The following PASK variants were observed in gnomAD, a reference collection of about 807,000 sequenced individuals.
PASK encodes PAS domain containing serine/threonine kinase.
Under a neutral mutation model 121.0 loss-of-function variants are expected in PASK, and 110 were observed. The observed-to-expected ratio is 0.91, with a 90% CI of 0.78 to 1.06. The LOEUF (loss-of-function observed/expected upper bound fraction) is 1.06, where lower values mean the gene tolerates loss of function less well. Among genes scored for constraint, PASK ranks in the 50% least tolerant of loss-of-function variants. PASK has a pLI of 0.00. For missense variants in PASK, 1,643 were observed against 1,702.3 expected (o/e 0.97, Z 0.61); for synonymous variants, 686 against 717.8 (o/e 0.96, Z 0.71).
At chr2:241,114,605 A>G (rs570418293) in intron 14 of PASK, 13 of 1,060,140 alleles carry the variant, frequency 1.2e-5, no homozygotes, top group African/African-American at 1.7e-5. Flanking sequence ...ACTTACTGAA[A>G]AGTGAGAATG....
intron 12 of PASK, among the ~76,000 whole-genome samples, chr2:241,116,764 G>A (rs1357550758): frequency 1.3e-5 from 2 of 152,238 alleles, no homozygotes; most frequent in African/African-American, 4.8e-5. Context: ...AACGCCTGCT[G>A]CTACGTGGGT....
In PASK at chr2:241,112,511, G is replaced by C; in HGVS notation, c.3334-72C>G. On this transcript the variant is annotated intron_variant, in intron 14 of 17. Coordinates refer to ENST00000234040, the MANE Select transcript of PASK (RefSeq NM_015148.4). This position sits in a 1 kb window ranked among gnomAD's most constrained non-coding sequence, Gnocchi z 5.2. ...TAAAATATGCATTTAAAATAAACTG[G>C]AACAAAAAAAAACACAAAGAAAAAA... is the stretch of plus-strand genomic sequence containing the variant. 1.1e-6 allele frequency: 1 copy of C among 912,834 alleles called. No homozygotes were observed. 56.5% of individuals were successfully genotyped at this position (912,834 alleles called of 1,614,324 possible). A position where few individuals can be genotyped will look rare whatever the true frequency, so the allele number is the denominator to read the frequency against.
At position 241,126,515 on chromosome 2, in the gene PASK, C is replaced by T; in HGVS notation, c.2400G>A (p.Leu800=). ...GGCCAAGGTCAACACAGGTGCCGGT[C>T]AGTAGTAACAGCTCCCTGTCATCCA... is the stretch of plus-strand genomic sequence containing the variant. The part of the protein sequence containing the change: ...CVLDDRELLL[L]TGTCVDLGQG... The change falls in exon 10 of 18, where the codon CTG becomes CTA. Residue 800 remains leucine, a synonymous_variant. Transcript: ENST00000234040. 1 of 1,614,246 alleles carries T rather than the reference C, an allele frequency of 6.2e-7. No individual in the cohort carries two copies. Among genetic ancestry groups the T allele is most frequent in the Non-Finnish European group, 8.5e-7 (1 of 1,180,042 alleles).
intron 12 of PASK, among the ~76,000 whole-genome samples, chr2:241,118,545 T>G (rs950051464): frequency 6.6e-6 from 1 of 151,698 alleles, no homozygotes; most frequent in Non-Finnish European, 1.5e-5. Flanking sequence ...ACTTCAAAAA[T>G]AGATCAAAGA....
chr2:241,132,093 G>C (rs995715713), intron 9 of PASK, among the ~76,000 whole-genome samples: 7 of 150,760 alleles, frequency 4.6e-5, no homozygotes, highest in African/African-American at 1.7e-4. Context: ...AAGAAAATGG[G>C]TTAAAAATAC....
At chr2:241,111,441 G>A (rs1559355480) in intron 15 of PASK, among the ~76,000 whole-genome samples, 1 of 152,236 alleles carries the variant, frequency 6.6e-6, no homozygotes, top group East Asian at 1.9e-4. Context: ...GTAGGTGTTA[G>A]TGGAAAACAC....
In PASK at chr2:241,112,883, C is replaced by A; in HGVS notation, c.3334-444G>T. On this transcript the variant is annotated intron_variant, in intron 14 of 17. Transcript: ENST00000234040. This position sits in a 1 kb window ranked among gnomAD's most constrained non-coding sequence, Gnocchi z 5.2. ...GAAAGCACCAAGTCGATAACCTCAG[C>A]TCACAGGGAGGGAAAGTGACTTGCC... 5.4e-6 allele frequency: 1 copy of A among 186,724 alleles called. No homozygotes were observed. The highest frequency in any genetic ancestry group is 1.1e-5 in the Non-Finnish European group (1 of 88,658). The allele number at this position is 186,724 out of a possible 1,614,324, so 11.6% of individuals were successfully genotyped here. A position where few individuals can be genotyped will look rare whatever the true frequency, so the allele number is the denominator to read the frequency against.
In PASK at chr2:241,126,919, G is replaced by C; in HGVS notation, c.1996C>G (p.Leu666Val). Residue 666 changes from leucine to valine, a missense_variant, in exon 10 of 18, where the codon CTG becomes GTG. Around this residue, in one of 3 missense-constraint regions of PASK, gnomAD observed 1,176 missense variants for 1,162.2 expected, o/e 1.01. Transcript: ENST00000234040. ...GCTCCTGCAAGGCTCAACTGGGACA[G>C]CTGCTCCTTAATCAAGCAGGTCTGC... Reference protein sequence around the residue: ...ELQTCLIKEQLSQLSLAGALD... With the variant: ...ELQTCLIKEQVSQLSLAGALD... The C allele has an allele frequency of 2.5e-6, 4 of 1,614,146 alleles. No homozygotes were observed. The highest frequency in any genetic ancestry group is 3.4e-6 in the Non-Finnish European group (4 of 1,179,998).
rs145530492 is a variant in PASK, at chr2:241,122,356, C to T, written c.3072+376G>A. Among the ~76,000 whole-genome samples the T allele has an allele frequency of 1.4e-4, 21 of 152,322 alleles. No homozygotes were observed. The East Asian group carries it at 4.0e-3, about 29-fold the overall frequency. ...TATTTGAAAAGATTAAGCATGTTTT[C>T]AGCATGCATGTGCAGTGCCCGTGAG... On this transcript the variant is annotated intron_variant, in intron 12 of 17. Transcript: ENST00000234040.
chr2:241,121,500 TTTAGA>T (rs574020922), intron 12 of PASK, among the ~76,000 whole-genome samples: 146 of 152,282 alleles, frequency 9.6e-4, no homozygotes, highest in African/African-American at 3.3e-3. Context: ...AACATCTAGA[TTTAGA>T]TTATAGATTT....
chr2:241,118,649 A>G (rs555806921), intron 12 of PASK: 58 of 173,644 alleles, frequency 3.3e-4, no homozygotes, highest in African/African-American at 1.3e-3. Flanking sequence ...CCTAGATATA[A>G]CACCAAAACA....
At chr2:241,144,593 TC>T (rs762996563) in intron 1 of PASK, among the ~76,000 whole-genome samples, 32 of 152,314 alleles carry the variant, frequency 2.1e-4, no homozygotes, top group Non-Finnish European at 4.0e-4. Context: ...CAGGCCTCTT[TC>T]CACCCAGGTC....
intron 2 of PASK, among the ~76,000 whole-genome samples, chr2:241,142,007 C>T (rs564548456): frequency 1.3e-5 from 2 of 152,350 alleles, no homozygotes; most frequent in African/African-American, 4.8e-5. Context: ...CCTGTCAACA[C>T]TCACTGAGAA....
rs781010431 is a variant in PASK at position 241,123,969 on chromosome 2, T to A, written c.2884A>T (p.Thr962Ser). 7.4e-6 allele frequency: 12 copies of A among 1,613,496 alleles called. No homozygotes were observed. In the Admixed American group the frequency reaches 8.3e-5, roughly 11 times the overall value. Residue 962 changes from threonine to serine, a missense_variant, in exon 11 of 18, where the codon ACC (threonine) becomes TCC (serine). Around this residue, in one of 3 missense-constraint regions of PASK, gnomAD observed 453 missense variants for 511.2 expected, o/e 0.89. Coordinates refer to ENST00000234040, the MANE Select transcript of PASK (RefSeq NM_015148.4). The stretch of plus-strand genomic sequence containing the variant: ...CCCACTTCCACCAGGCTGGGTCCGG[T>A]GAGCTCAGCAGCGGTAGAGTGGGTG... ...GSTHSTAAEL[T>S]GPSLVEVLRA...
intron 12 of PASK, among the ~76,000 whole-genome samples, chr2:241,120,497 G>GA (rs962296564): frequency 5.6e-4 from 77 of 137,752 alleles, no homozygotes; most frequent in Non-Finnish European, 4.0e-4. Context: ...TGTCTCAAAA[G>GA]AAAAAAAAAA....
At chr2:241,134,128 C>T (rs2125442728) in intron 8 of PASK, 1 of 152,242 alleles carries the variant, frequency 6.6e-6, no homozygotes, top group Admixed American at 6.5e-5. Flanking sequence ...GTGTTCATTC[C>T]CTGAATCCAG....
At position 241,107,509 on chromosome 2, in the gene PASK, C is replaced by A; in HGVS notation, c.3668-10G>T. 1 of 1,613,638 alleles carries A rather than the reference C, an allele frequency of 6.2e-7. No homozygotes were observed. Among genetic ancestry groups the A allele is most frequent in the Admixed American group, 1.7e-5 (1 of 60,012 alleles). ...ACAAGGCTCATGAGTTCTGGGGACA[C>A]AAAGAACACAGATGGTAGGTCCAGA... On this transcript the variant is annotated splice_polypyrimidine_tract_variant and intron_variant, in intron 16 of 17. Transcript: ENST00000234040.
chr2:241,114,685 C>G (rs186818876), intron 14 of PASK: 1 of 1,226,684 alleles, frequency 8.2e-7, no homozygotes, highest in East Asian at 3.6e-5. Context: ...AACCTGCAGG[C>G]CGCTGTGCCG....
chr2:241,142,971 G>A lies in PASK; in HGVS notation c.62C>T (p.Pro21Leu). ...EDQRCLSQSL[P>L]LPVSAEGPAA... Reference sequence around the variant, plus strand: ...TGGGCCCTCTGCTGACACTGGCAAGGGGAGGCTCTGGGAAAGGCATCTCTG... The same window carrying A: ...TGGGCCCTCTGCTGACACTGGCAAGAGGAGGCTCTGGGAAAGGCATCTCTG... Residue 21 changes from proline (P) to leucine (L), a missense_variant, in exon 2 of 18, where the codon CCC (proline) becomes CTC (leucine). Pro to Leu is a moderately conservative substitution (Grantham distance 98, BLOSUM62 -3). Around this residue, in one of 3 missense-constraint regions of PASK, gnomAD observed 1,176 missense variants for 1,162.2 expected, o/e 1.01. Transcript: ENST00000234040. 1.4e-5 allele frequency: 23 copies of A among 1,613,990 alleles called. No homozygotes were observed. The highest frequency in any genetic ancestry group is 1.9e-5 in the Non-Finnish European group (23 of 1,179,930).
Sources: gnomAD v4.1 joint callset for allele counts (sites outside exome capture counted in the v4.1 genomes callset) on GRCh38, gnomAD v4.1.1 for gene constraint, gnomAD v4.1.1 regional missense constraint, Gnocchi (gnomAD v3.1) non-coding constraint, MANE v1.5 for transcripts, NCBI Gene and HGNC (gene_info 2026-07-23, HGNC 2026-07-21) for gene names.